Variants in NFATC1 observed in about 807,000 individuals in gnomAD.
The protein encoded by NFATC1 is nuclear factor of activated T cells 1.
Under a neutral mutation model 76.0 loss-of-function variants are expected in NFATC1, and 22 were observed. That is an observed-to-expected ratio of 0.29 (90% CI 0.21 to 0.41). The LOEUF (loss-of-function observed/expected upper bound fraction) is 0.41. Among genes scored for constraint, NFATC1 ranks in the 10% least tolerant of loss-of-function variants. NFATC1 has a pLI of 1.00. For missense variants in NFATC1, 1,357 were observed against 1,337.7 expected, an observed-to-expected ratio of 1.01 and a Z score of -0.23; for synonymous variants, 704 against 613.1, an observed-to-expected ratio of 1.15 and a Z score of -2.19.
At chr18:79,513,239 C>T (rs1600974231) in intron 9 of NFATC1, among the ~76,000 whole-genome samples, 5 of 152,222 alleles carry the variant, frequency 3.3e-5, no homozygotes, top group Admixed American at 2.0e-4. Flanking sequence ...GCTGCAGAGA[C>T]GCCGTCCCCG....
rs570336850 is a variant in NFATC1 at position 79,522,677 on chromosome 18, T to C, written c.2783-4851T>C. ...GCCAAGTTCCGGGCACTGAGCACCC[T>C]GCAGGTGAAACAGGGAGGACCAGAG... On this transcript the variant is annotated intron_variant, in intron 9 of 9. Coordinates refer to ENST00000427363, the MANE Select transcript of NFATC1 (RefSeq NM_001278669.2). Among the ~76,000 whole-genome samples the C allele has an allele frequency of 5.9e-5, 9 of 152,164 alleles. No homozygotes were observed. In the South Asian group the frequency reaches 1.5e-3, roughly 25 times the overall value.
At chr18:79,522,803 C>T (rs1342585707) in intron 9 of NFATC1, among the ~76,000 whole-genome samples, 2 of 152,270 alleles carry the variant, frequency 1.3e-5, no homozygotes, top group African/African-American at 2.4e-5. Flanking sequence ...GGGTCTGAGT[C>T]GTCCCCCAGG....
In NFATC1 at chr18:79,527,616, G is replaced by T. The variant is rs914117913; in HGVS notation, c.*39G>T. The T allele has an allele frequency of 1.3e-5, 21 of 1,575,888 alleles. No homozygotes were observed. Among genetic ancestry groups the T allele is most frequent in the Non-Finnish European group, 1.7e-5 (20 of 1,146,400 alleles). The stretch of plus-strand genomic sequence containing the variant: ...GCACTCAGTTCAGCAGGGGTATGCT[G>T]ACTTCAGCAGACAAAGACTTTTGAA... On this transcript the variant is annotated 3_prime_UTR_variant, in exon 10 of 10. Coordinates refer to ENST00000427363, the MANE Select transcript of NFATC1 (RefSeq NM_001278669.2).
chr18:79,462,304 T>C (rs1185649849), intron 7 of NFATC1, among the ~76,000 whole-genome samples: 1 of 152,202 alleles, frequency 6.6e-6, no homozygotes, highest in Non-Finnish European at 1.5e-5. Flanking sequence ...AATTGGCACA[T>C]GGAGACCATT....
At chr18:79,449,066 C>G (rs1317372621) in intron 4 of NFATC1, 82 bp downstream of exon 4, 2 of 1,387,472 alleles carry the variant, frequency 1.4e-6, no homozygotes, top group Non-Finnish European at 2.0e-6. Context: ...GGGGTCTGGC[C>G]AGCCCCCCGC....
intron 1 of NFATC1, among the ~76,000 whole-genome samples, chr18:79,409,281 C>T (rs1433511426): frequency 5.8e-5 from 6 of 103,216 alleles, no homozygotes; most frequent in Non-Finnish European, 1.3e-4. Context: ...ATCATCCATC[C>T]ATCATTATCT....
At position 79,527,768 on chromosome 18, in the gene NFATC1, A is replaced by G. The variant is rs559861164; in HGVS notation, c.*191A>G. On this transcript the variant is annotated 3_prime_UTR_variant, in exon 10 of 10. Coordinates refer to ENST00000427363, the MANE Select transcript of NFATC1 (RefSeq NM_001278669.2). ...AGGAAAGCAGGGAGGAAGGGAGACC[A>G]CTGTGTCACCTGGAGGAGAAGTCAT... 6.5e-4 allele frequency: 394 copies of G among 605,410 alleles called. 2 individuals are homozygous for G. Among genetic ancestry groups the G allele is most frequent in the Non-Finnish European group, 1.3e-4 (45 of 342,852 alleles). 37.5% of individuals were successfully genotyped at this position (605,410 alleles called of 1,614,324 possible).
intron 9 of NFATC1, among the ~76,000 whole-genome samples, chr18:79,487,661 G>A (rs533039455): frequency 7.2e-5 from 11 of 152,356 alleles, no homozygotes; most frequent in African/African-American, 1.9e-4. Context: ...AGTGGTGACC[G>A]AAGGCGCCGT....
At position 79,486,669 on chromosome 18, in the gene NFATC1, C is replaced by T. The variant is rs1257454211; in HGVS notation, c.2514C>T (p.Leu838=). ...CAAGCAGTAGCTGCCCCCCTGGTCT[C>T]GAACACTCGCTCTGCCCCAGCAGCC... ...APPSSSCPPG[L]EHSLCPSSPS... The change falls in exon 9 of 10, where the codon CTC becomes CTT. Residue 838 remains leucine (L), a synonymous_variant. Transcript: ENST00000427363. 40 of 1,603,620 alleles carry T rather than the reference C, an allele frequency of 2.5e-5. No homozygotes were observed. Among genetic ancestry groups the T allele is most frequent in the Non-Finnish European group, 3.2e-5 (38 of 1,177,730 alleles).
intron 7 of NFATC1, among the ~76,000 whole-genome samples, chr18:79,464,696 T>TATACACACATGTATATATATATA (rs56730738): frequency 1.0e-5 from 1 of 100,336 alleles, no homozygotes; most frequent in Non-Finnish European, 2.1e-5. Flanking sequence ...ATATATATAT[T>TATACACACATGTATATATATATA]TATTTATTTA....
intron 9 of NFATC1, among the ~76,000 whole-genome samples, chr18:79,509,459 G>C (rs1407808363): frequency 6.6e-6 from 1 of 152,216 alleles, no homozygotes; most frequent in Non-Finnish European, 1.5e-5. Flanking sequence ...AGAGGGCGTG[G>C]GAGGAGAGGA....
At chr18:79,450,857 T>TG (rs2087440861) in intron 4 of NFATC1, 97 bp from the exon 5 acceptor site, 1 of 1,463,724 alleles carries the variant, frequency 6.8e-7, no homozygotes, top group Admixed American at 2.2e-5. Flanking sequence ...CACGAGCTCG[T>TG]GGGGCTGGGA....
chr18:79,434,036 A>G lies in NFATC1; in HGVS notation c.1386+298A>G, dbSNP rs372173347. Among the ~76,000 whole-genome samples, 36 of 152,292 alleles carry G rather than the reference A, an allele frequency of 2.4e-4. 1 individual carries two copies. In the South Asian group the frequency reaches 7.1e-3, roughly 30 times the overall value. On this transcript the variant is annotated intron_variant, in intron 3 of 9. Transcript: ENST00000427363. The stretch of plus-strand genomic sequence containing the variant: ...TTTGGGGGTTGATTCTCCCCTCTCT[A>G]AAGCCTCTGAACTTGGAGGCAGGAG...
chr18:79,400,722 T>C (rs2085179198), intron 1 of NFATC1, among the ~76,000 whole-genome samples: 1 of 144,382 alleles, frequency 6.9e-6, no homozygotes, highest in Non-Finnish European at 1.5e-5. Context: ...GTGGACGAAG[T>C]GGTCCCGGAC....
At chr18:79,479,372 C>T (rs945144086) in intron 8 of NFATC1, among the ~76,000 whole-genome samples, 19 of 150,680 alleles carry the variant, frequency 1.3e-4, no homozygotes, top group African/African-American at 3.5e-4. Context: ...TGGGCCTGTG[C>T]GGCCCCCCTC....
Position 79,396,344 on chromosome 18 carries a change from G to A in NFATC1, c.120G>A (p.Ala40=), listed in dbSNP as rs1600555868. Residue 40 remains alanine, a synonymous_variant, in exon 1 of 10, where the codon GCG becomes GCA. Transcript: ENST00000427363. ...APRAGGTMKS[A]EEEHYGYASS... is the part of the protein sequence containing the mutation. ...GCGCCGGCGGCACCATGAAGTCAGCGGAGGAAGGTAAGCCCCGCGCGGCCT... is the reference window on the plus strand; with the variant it reads ...GCGCCGGCGGCACCATGAAGTCAGCAGAGGAAGGTAAGCCCCGCGCGGCCT... The A allele has an allele frequency of 7.2e-7, 1 of 1,381,160 alleles. No individual in the cohort carries two copies. Among genetic ancestry groups the A allele is most frequent in the Non-Finnish European group, 9.5e-7 (1 of 1,050,516 alleles). The allele number at this position is 1,381,160 out of a possible 1,614,324, so 85.6% of individuals were successfully genotyped here.
chr18:79,425,951 C>T (rs572036657), intron 2 of NFATC1, among the ~76,000 whole-genome samples: 1 of 152,212 alleles, frequency 6.6e-6, no homozygotes, highest in Admixed American at 6.5e-5. Context: ...GCAGCTCACA[C>T]CTGGAATCCC....
At chr18:79,464,698 A>ATATATATATATATATT (rs1329123171) in intron 7 of NFATC1, among the ~76,000 whole-genome samples, 3 of 94,874 alleles carry the variant, frequency 3.2e-5, no homozygotes, top group African/African-American at 1.1e-4. Context: ...ATATATATTT[A>ATATATATATATATATT]TTTATTTATT....
Position 79,467,500 on chromosome 18 carries a change from C to A in NFATC1, c.2010C>A (p.Ser670Arg). Residue 670 changes from serine to arginine, a missense_variant, in exon 8 of 10, where the codon AGC becomes AGA. Ser to Arg is a moderately radical substitution (Grantham distance 110, BLOSUM62 -1). Transcript: ENST00000427363. ...CATTTCGGAATCAGAGGATAACCAG[C>A]CCCGTTCACGTCAGTTTCTACGTCT... The part of the protein sequence containing the change: ...IPPFRNQRIT[S>R]PVHVSFYVCN... The A allele has an allele frequency of 3.1e-6, 5 of 1,613,318 alleles. No individual in the cohort carries two copies. The highest frequency in any genetic ancestry group is 4.2e-6 in the Non-Finnish European group (5 of 1,179,468).
Sources: gnomAD v4.1 joint callset for allele counts (sites outside exome capture counted in the v4.1 genomes callset) on GRCh38, gnomAD v4.1.1 for gene constraint, MANE v1.5 for transcripts, NCBI Gene and HGNC (gene_info 2026-07-23, HGNC 2026-07-21) for gene names.